LRRK1: variants seen among roughly 807,000 people sequenced by gnomAD.
LRRK1 encodes leucine-rich repeat serine/threonine-protein kinase 1.
Under a neutral mutation model 209.1 loss-of-function variants are expected in LRRK1, and 113 were observed. The observed-to-expected ratio is 0.54, with a 90% confidence interval of 0.46 to 0.63. The LOEUF (loss-of-function observed/expected upper bound fraction) is 0.63, where lower values mean the gene tolerates loss of function less well. LRRK1 is among the 30% of genes least tolerant of loss of function. The probability of loss-of-function intolerance (pLI) is 0.00; values close to 1 mark genes in which losing one functional copy is unlikely to be tolerated. For missense variants in LRRK1, 2,284 were observed against 2,632.2 expected, an observed-to-expected ratio of 0.87 and a Z score of 2.89; for synonymous variants, 1,144 against 1,099.7, an observed-to-expected ratio of 1.04 and a Z score of -0.80.
chr15:101,053,328 C>A lies in LRRK1; in HGVS notation c.3962C>A (p.Ala1321Glu). ...GCGCTGCAGCACCCCTGCATCGTGG[C>A]GCTCATCGGCATCAGCATCCACCCG... ...LHALQHPCIV[A>E]LIGISIHPLC... The change falls in exon 26 of 34, where the codon GCG becomes GAG. Residue 1321 changes from alanine (A) to glutamate (E), a missense_variant. Around this residue, in one of 6 missense-constraint regions of LRRK1, gnomAD observed 780 missense variants for 985.2 expected, o/e 0.79. Coordinates refer to ENST00000388948, the MANE Select transcript of LRRK1 (RefSeq NM_024652.6). The A allele has an allele frequency of 6.2e-7, 1 of 1,604,412 alleles. No individual in the cohort carries two copies. Among genetic ancestry groups the A allele is most frequent in the Non-Finnish European group, 8.5e-7 (1 of 1,179,890 alleles).
chr15:100,941,326 GTCTGTGTCTC>G (rs2042408193), intron 2 of LRRK1, among the ~76,000 whole-genome samples: 1 of 149,974 alleles, frequency 6.7e-6, no homozygotes, highest in Non-Finnish European at 1.5e-5. Context: ...GTGTGTGTGT[GTCTGTGTCTC>G]TGTGTGTGTC....
At chr15:101,002,999 T>C (rs914289451) in intron 6 of LRRK1, among the ~76,000 whole-genome samples, 2 of 152,252 alleles carry the variant, frequency 1.3e-5, no homozygotes, top group African/African-American at 4.8e-5. Flanking sequence ...CCCAAAGTTC[T>C]GGGATTACAG....
intron 4 of LRRK1, among the ~76,000 whole-genome samples, chr15:100,985,659 T>C (rs2031827734): frequency 6.6e-6 from 1 of 152,206 alleles, no homozygotes; most frequent in Non-Finnish European, 1.5e-5. Context: ...TTGCCTGCTT[T>C]TGCAGAGCAG....
intron 6 of LRRK1, among the ~76,000 whole-genome samples, chr15:100,989,850 G>C (rs1254938404): frequency 6.6e-6 from 1 of 150,844 alleles, no homozygotes; most frequent in African/African-American, 2.4e-5. Flanking sequence ...TTTGTTTCTG[G>C]TTTTTTTTGG....
Position 101,027,767 on chromosome 15 carries a change from G to A in LRRK1, c.2656G>A (p.Asp886Asn), listed in dbSNP as rs997852963. 1.0e-5 allele frequency: 16 copies of A among 1,597,972 alleles called. No homozygotes were observed. The highest frequency in any genetic ancestry group is 6.8e-5 in the East Asian group (3 of 44,212). Residue 886 changes from aspartate to asparagine, a missense_variant, in exon 19 of 34, where the codon GAC (aspartate) becomes AAC (asparagine). Coordinates refer to ENST00000388948, the MANE Select transcript of LRRK1 (RefSeq NM_024652.6). This position sits in a 1 kb window ranked among gnomAD's most constrained non-coding sequence, Gnocchi z 5.1. Reference protein sequence around the residue: ...EQLVEQTPDNDIKDYEDLQSA... With the variant: ...EQLVEQTPDNNIKDYEDLQSA... ...GCTGGTGGAGCAGACGCCCGACAAC[G>A]ACATCAAGGACTACGAGGACCTGCA...
chr15:100,964,349 G>A (rs1173588584), intron 2 of LRRK1, among the ~76,000 whole-genome samples: 1 of 152,184 alleles, frequency 6.6e-6, no homozygotes, highest in Non-Finnish European at 1.5e-5. Context: ...TGCTGATGCT[G>A]AAACGCTAGA....
rs1337316807 is a variant in LRRK1, at chr15:100,924,575, G to A, written c.-58G>A. Reference sequence around the variant, plus strand: ...CGCCTTAATGCACCCCACAGCCAGCGGCAGTGGCAGTGACAACAGCGGGAC... The same window carrying A: ...CGCCTTAATGCACCCCACAGCCAGCAGCAGTGGCAGTGACAACAGCGGGAC... On this transcript the variant is annotated 5_prime_UTR_variant, in exon 2 of 34. Transcript: ENST00000388948. 46 of 1,489,144 alleles carry A rather than the reference G, an allele frequency of 3.1e-5. No individual in the cohort carries two copies. The highest frequency in any genetic ancestry group is 8.4e-5 in the Admixed American group (5 of 59,704). 92.2% of individuals were successfully genotyped at this position (1,489,144 alleles called of 1,614,324 possible).
chr15:101,039,746 AG>A (rs1212982933), intron 20 of LRRK1, among the ~76,000 whole-genome samples: 1 of 152,222 alleles, frequency 6.6e-6, no homozygotes, highest in Non-Finnish European at 1.5e-5. Context: ...TATCAGATTG[AG>A]GAAGTTCCCT....
At position 100,950,496 on chromosome 15, in the gene LRRK1, A is replaced by C. The variant is rs188573506; in HGVS notation, c.98-23308A>C. ...TTACAAAAATGGCAAGATGATTCTA[A>C]TATTCAAATAAAATACAAGAGAATG... On this transcript the variant is annotated intron_variant, in intron 2 of 33. Coordinates refer to ENST00000388948, the MANE Select transcript of LRRK1 (RefSeq NM_024652.6). Among the ~76,000 whole-genome samples, 176 of 152,356 alleles carry C rather than the reference A, an allele frequency of 1.2e-3. 2 individuals carry two copies. The highest frequency in any genetic ancestry group is 5.8e-4 in the East Asian group (3 of 5,196).
Position 101,024,702 on chromosome 15 carries a change from C to A in LRRK1, c.2068-101C>A. On this transcript the variant is annotated intron_variant, in intron 15 of 33. Transcript: ENST00000388948. This position sits in a 1 kb window ranked among gnomAD's most constrained non-coding sequence, Gnocchi z 4.6. The stretch of plus-strand genomic sequence containing the variant: ...ACTTTTCCACGGTTGTTTTTTCAGA[C>A]CCCCGAGTCCAGCCTCCAGAGTTAT... 1.6e-6 allele frequency: 2 copies of A among 1,282,782 alleles called. No individual in the cohort carries two copies. The highest frequency in any genetic ancestry group is 2.2e-6 in the Non-Finnish European group (2 of 921,114). 79.5% of individuals were successfully genotyped at this position (1,282,782 alleles called of 1,614,324 possible).
At chr15:101,017,561 G>C (rs889959725) in intron 12 of LRRK1, among the ~76,000 whole-genome samples, 2 of 152,068 alleles carry the variant, frequency 1.3e-5, no homozygotes, top group African/African-American at 4.8e-5. Context: ...TCAGATCAGC[G>C]GCAGCATTGG....
rs765824865 is a variant in LRRK1 at position 101,065,825 on chromosome 15, C to A, written c.5388C>A (p.Pro1796=). 9 of 1,613,956 alleles carry A rather than the reference C, an allele frequency of 5.6e-6. No homozygotes were observed. The South Asian group carries it at 8.8e-5, about 16-fold the overall frequency. ...CCGTGCGGCCCTTGGACACGGAACC[C>A]CCGGCAGCCAGCCACACGGCCAACC... ...MFPVRPLDTE[P]PAASHTANPK... The change falls in exon 32 of 34, where the codon CCC becomes CCA. Residue 1796 remains proline (P), a synonymous_variant. Transcript: ENST00000388948.
At chr15:101,010,870 A>C (rs781382165) in intron 9 of LRRK1, 33 bp downstream of exon 9, 1 of 1,593,348 alleles carries the variant, frequency 6.3e-7, no homozygotes, top group South Asian at 1.1e-5. Flanking sequence ...TGAAAGCCAC[A>C]GTCAACTCTG....
chr15:101,008,079 G>A (rs1205286575), intron 6 of LRRK1, among the ~76,000 whole-genome samples: 1 of 148,260 alleles, frequency 6.7e-6, no homozygotes, highest in African/African-American at 2.5e-5. Flanking sequence ...GGAAGCGGCG[G>A]TTGCAGTGAG....
At chr15:100,987,564 A>C (rs1423667559) in intron 4 of LRRK1, among the ~76,000 whole-genome samples, 3 of 152,126 alleles carry the variant, frequency 2.0e-5, no homozygotes, top group Non-Finnish European at 2.9e-5. Context: ...ATTATTATTC[A>C]TGAAAGTAAT....
Position 101,072,377 on chromosome 15 carries a change from T to C in LRRK1, c.*3529T>C, listed in dbSNP as rs974083885. ...CATAAAATTCCTGCACATGCAACAG[T>C]GCCATCCTCTGCAGCCTGTCAAAGA... is the stretch of plus-strand genomic sequence containing the variant. On this transcript the variant is annotated 3_prime_UTR_variant, in exon 34 of 34. Coordinates refer to ENST00000388948, the MANE Select transcript of LRRK1 (RefSeq NM_024652.6). 1 of 152,220 alleles carries C rather than the reference T, an allele frequency of 6.6e-6. No individual in the cohort carries two copies. The highest frequency in any genetic ancestry group is 6.5e-5 in the Admixed American group (1 of 15,280). 9.4% of individuals were successfully genotyped at this position (152,220 alleles called of 1,614,324 possible). A position where few individuals can be genotyped will look rare whatever the true frequency, so the allele number is the denominator to read the frequency against.
rs765566707 is a variant in LRRK1, at chr15:101,021,810, G to A, written c.1740-35G>A. The A allele has an allele frequency of 1.8e-5, 19 of 1,056,114 alleles. No individual in the cohort carries two copies. In the African/African-American group the frequency reaches 2.5e-4, roughly 14 times the overall value. The allele number at this position is 1,056,114 out of a possible 1,614,324, so 65.4% of individuals were successfully genotyped here. A position where few individuals can be genotyped will look rare whatever the true frequency, so the allele number is the denominator to read the frequency against. On this transcript the variant is annotated intron_variant, in intron 13 of 33. Transcript: ENST00000388948. ...TGTGTGTGTGTGTGTGTGTGTGTGTGTGTATTCTCTCGTGGTGGACACATC... is the reference window on the plus strand; with the variant it reads ...TGTGTGTGTGTGTGTGTGTGTGTGTATGTATTCTCTCGTGGTGGACACATC...
At position 101,014,307 on chromosome 15, in the gene LRRK1, C is replaced by T. The variant is rs369261561; in HGVS notation, c.1420-9C>T. ...TCTTAGCTTCTCTCTCCCTCCCTCT[C>T]TCTCTCAGGCCCTCATGTTCTTGAG... On this transcript the variant is annotated splice_polypyrimidine_tract_variant and intron_variant, in intron 10 of 33. Transcript: ENST00000388948. 1.3e-6 allele frequency: 2 copies of T among 1,595,640 alleles called. No individual in the cohort carries two copies. Among genetic ancestry groups the T allele is most frequent in the Middle Eastern group, 1.7e-4 (1 of 6,018 alleles).
intron 32 of LRRK1, 57 bp from the exon 33 acceptor site, chr15:101,066,583 C>T: frequency 6.5e-7 from 1 of 1,528,320 alleles, no homozygotes; most frequent in African/African-American, 1.4e-5. Context: ...CGGCTTCACT[C>T]CCCGGAGAGC....
Sources: gnomAD v4.1 joint callset for allele counts (sites outside exome capture counted in the v4.1 genomes callset) on GRCh38, gnomAD v4.1.1 for gene constraint, gnomAD v4.1.1 regional missense constraint, Gnocchi (gnomAD v3.1) non-coding constraint, MANE v1.5 for transcripts, NCBI Gene and HGNC (gene_info 2026-07-23, HGNC 2026-07-21) for gene names.